NWD1: variants seen among roughly 807,000 people sequenced by gnomAD.
The protein encoded by NWD1 is NACHT and WD repeat domain containing 1.
In NWD1, 129 loss-of-function variants were observed where a neutral mutation model predicts 135.1. That is an observed-to-expected ratio of 0.96 (90% CI 0.83 to 1.11). The LOEUF (loss-of-function observed/expected upper bound fraction) is 1.11. Ranked by LOEUF, NWD1 falls within the 50% of genes least tolerant of loss-of-function variation. NWD1 has a pLI of 0.00. For missense variants in NWD1, 1,740 were observed against 1,851.3 expected, an observed-to-expected ratio of 0.94 and a Z score of 1.10; for synonymous variants, 773 against 786.0, an observed-to-expected ratio of 0.98 and a Z score of 0.28.
chr19:16,801,438 C>T (rs1970599517), intron 17 of NWD1: 2 of 148,926 alleles, frequency 1.3e-5, no homozygotes. Flanking sequence ...GACCCTGTCT[C>T]TAAAAACAAA....
At position 16,750,011 on chromosome 19, in the gene NWD1, A is replaced by G. The variant is rs760960238; in HGVS notation, c.1369A>G (p.Asn457Asp). ...TCGGAGGGTTCCCTGGCTGCCTCTC[A>G]ACTGCCCCCCGAGGGTGCACCTCAT... ...HARRVPWLPL[N>D]CPPRVHLILS... The change falls in exon 6 of 19, where the codon AAC becomes GAC. Residue 457 changes from asparagine (N) to aspartate (D), a missense_variant. Transcript: ENST00000524140. The G allele has an allele frequency of 6.2e-7, 1 of 1,613,694 alleles. No homozygotes were observed. Among genetic ancestry groups the G allele is most frequent in the South Asian group, 1.1e-5 (1 of 91,060 alleles).
At chr19:16,758,399 C>G (rs923615881) in intron 6 of NWD1, among the ~76,000 whole-genome samples, 1 of 152,148 alleles carries the variant, frequency 6.6e-6, no homozygotes, top group African/African-American at 2.4e-5. Flanking sequence ...ACCTCAGCCT[C>G]TAGAGTAGCA....
At chr19:16,733,396 C>T (rs1967660930) in intron 3 of NWD1, among the ~76,000 whole-genome samples, 1 of 151,828 alleles carries the variant, frequency 6.6e-6, no homozygotes, top group African/African-American at 2.4e-5. Context: ...TGACACGCAC[C>T]TGTAATCCCA....
intron 17 of NWD1, chr19:16,801,481 G>T (rs1970600676): frequency 6.6e-6 from 1 of 151,512 alleles, no homozygotes; most frequent in Non-Finnish European, 1.5e-5. Flanking sequence ...TCACACCTGT[G>T]ATCCCAGCAC....
intron 4 of NWD1, chr19:16,738,291 A>G: frequency 4.5e-6 from 2 of 442,960 alleles, no homozygotes; most frequent in South Asian, 1.6e-5. Context: ...TACCATGGCC[A>G]GGTATGGTGG....
chr19:16,758,203 C>T (rs1055668428), intron 6 of NWD1, among the ~76,000 whole-genome samples: 5 of 152,184 alleles, frequency 3.3e-5, no homozygotes, highest in Non-Finnish European at 7.3e-5. Flanking sequence ...ATGGTTCATG[C>T]AACCAAGAAA....
rs773462179 is a variant in NWD1, at chr19:16,797,707, G to A, written c.3305-25G>A. ...TCAATCTCCTCTGGACATGAGAGGT[G>A]TAACCCCAGTTCCTGCCGTTTCAGG... On this transcript the variant is annotated intron_variant, in intron 15 of 18. Transcript: ENST00000524140. 6.4e-5 allele frequency: 103 copies of A among 1,608,754 alleles called. No individual in the cohort carries two copies. In the Admixed American group the frequency reaches 1.7e-3, roughly 26 times the overall value.
chr19:16,751,791 A>T (rs1449814125), intron 6 of NWD1, among the ~76,000 whole-genome samples: 1 of 148,002 alleles, frequency 6.8e-6, no homozygotes, highest in Non-Finnish European at 1.5e-5. Flanking sequence ...ACAAAGGAAG[A>T]CTCCATCTCA....
At chr19:16,770,562 C>A (rs962659658) in intron 10 of NWD1, among the ~76,000 whole-genome samples, 4 of 152,238 alleles carry the variant, frequency 2.6e-5, no homozygotes, top group African/African-American at 9.6e-5. Context: ...CCATTGAAAT[C>A]TTGGCGCTGC....
rs759643635 is a variant in NWD1, at chr19:16,744,682, A to G, written c.460A>G (p.Ile154Val). The G allele has an allele frequency of 5.9e-6, 9 of 1,535,894 alleles. No individual in the cohort carries two copies. In the Admixed American group the frequency reaches 7.9e-5, roughly 13 times the overall value. Residue 154 changes from isoleucine to valine, a missense_variant, in exon 5 of 19, where the codon ATC becomes GTC. Coordinates refer to ENST00000524140, the MANE Select transcript of NWD1 (RefSeq NM_001007525.5). ...GAQEARRLGL[I>V]TQEQWQHYHR... ...CCAGGAGGCCCGGAGGCTGGGGCTC[A>G]TCACCCAGGAGCAGTGGCAGCACTA...
intron 12 of NWD1, among the ~76,000 whole-genome samples, chr19:16,787,416 A>G (rs1026191679): frequency 2.0e-5 from 3 of 152,132 alleles, no homozygotes; most frequent in Non-Finnish European, 2.9e-5. Context: ...ATAAAACTCA[A>G]TTATCTGTTT....
At chr19:16,736,839 G>T in intron 4 of NWD1, 89 bp downstream of exon 4, 3 of 812,620 alleles carry the variant, frequency 3.7e-6, no homozygotes, top group Non-Finnish European at 6.1e-6. Context: ...GAGGGAAGTA[G>T]GTACCGTTTC....
At chr19:16,742,846 A>C (rs1316653670) in intron 4 of NWD1, among the ~76,000 whole-genome samples, 3 of 142,710 alleles carry the variant, frequency 2.1e-5, no homozygotes, top group African/African-American at 5.2e-5. Context: ...ATTTTTAAAA[A>C]AATTTTTTGT....
Position 16,736,604 on chromosome 19 carries a change from C to T in NWD1, c.82-30C>T, listed in dbSNP as rs1476446968. On this transcript the variant is annotated intron_variant, in intron 3 of 18. Coordinates refer to ENST00000524140, the MANE Select transcript of NWD1 (RefSeq NM_001007525.5). ...AAACAAATCACCTGTCATGCCACCTCTCTGACAAACTTGTGTTTCTATTTC... is the reference window on the plus strand; with the variant it reads ...AAACAAATCACCTGTCATGCCACCTTTCTGACAAACTTGTGTTTCTATTTC... The T allele has an allele frequency of 5.9e-6, 8 of 1,357,866 alleles. No homozygotes were observed. The East Asian group carries it at 7.5e-5, about 13-fold the overall frequency. 84.1% of individuals were successfully genotyped at this position (1,357,866 alleles called of 1,614,324 possible). A position where few individuals can be genotyped will look rare whatever the true frequency, so the allele number is the denominator to read the frequency against.
At chr19:16,762,208 T>C (rs1270254401) in intron 8 of NWD1, 70 bp downstream of exon 8, 1 of 1,439,850 alleles carries the variant, frequency 6.9e-7, no homozygotes, top group Non-Finnish European at 9.5e-7. Context: ...ACCTCCTTCC[T>C]TCCCCTTTTT....
At chr19:16,799,242 C>T (rs970283066) in intron 16 of NWD1, among the ~76,000 whole-genome samples, 2 of 152,080 alleles carry the variant, frequency 1.3e-5, no homozygotes, top group African/African-American at 4.8e-5. Context: ...TGTTGCCAGC[C>T]TGAAGTGCAG....
Position 16,730,115 on chromosome 19 carries a change from A to T in NWD1, c.-6-1077A>T, listed in dbSNP as rs1340032097. Among the ~76,000 whole-genome samples, 4 of 151,534 alleles carry T rather than the reference A, an allele frequency of 2.6e-5. No individual in the cohort carries two copies. In the East Asian group the frequency reaches 7.9e-4, roughly 30 times the overall value. ...GAGGTGGGCAGATCACAAGGTCAGG[A>T]GATTGAAACCATCCTGGCCAACATG... On this transcript the variant is annotated intron_variant, in intron 2 of 18. Coordinates refer to ENST00000524140, the MANE Select transcript of NWD1 (RefSeq NM_001007525.5).
chr19:16,779,460 A>T lies in NWD1; in HGVS notation c.2726A>T (p.His909Leu), dbSNP rs2122992553. 6.2e-7 allele frequency: 1 copy of T among 1,613,092 alleles called. No individual in the cohort carries two copies. Among genetic ancestry groups the T allele is most frequent in the Middle Eastern group, 1.6e-4 (1 of 6,062 alleles). ...EQHVIHMLTG[H>L]TGEVRCVKIF... ...CATGTGATCCACATGCTAACTGGAC[A>T]CACAGGTGAGACTTGGGAAGTGGGC... Residue 909 changes from histidine to leucine, a missense_variant, in exon 12 of 19, where the codon CAC becomes CTC. Coordinates refer to ENST00000524140, the MANE Select transcript of NWD1 (RefSeq NM_001007525.5).
At chr19:16,790,061 ATGTC>A (rs1006267500) in intron 13 of NWD1, among the ~76,000 whole-genome samples, 4 of 152,142 alleles carry the variant, frequency 2.6e-5, no homozygotes, top group Non-Finnish European at 5.9e-5. Flanking sequence ...TCTGAAAACA[ATGTC>A]TGTTCCACTG....
Sources: gnomAD v4.1 joint callset for allele counts (sites outside exome capture counted in the v4.1 genomes callset) on GRCh38, gnomAD v4.1.1 for gene constraint, MANE v1.5 for transcripts, NCBI Gene and HGNC (gene_info 2026-07-23, HGNC 2026-07-21) for gene names.